The following SLC9A7 variants were observed in gnomAD, a reference collection of about 807,000 sequenced individuals.
The protein encoded by SLC9A7 is sodium/hydrogen exchanger 7.
In SLC9A7, 19 loss-of-function variants were observed where a neutral mutation model predicts 52.6. The ratio of observed to expected loss-of-function variants is 0.36; its 90% CI spans 0.25 to 0.53. The LOEUF is 0.53. Among genes scored for constraint, SLC9A7 ranks in the 20% least tolerant of loss-of-function variants. The pLI, the probability that SLC9A7 is intolerant of heterozygous loss-of-function variation, is 0.91. For synonymous variants in SLC9A7, 226 were observed against 252.1 expected, an observed-to-expected ratio of 0.90 and a Z score of 0.98; for missense variants, 455 against 597.9, an observed-to-expected ratio of 0.76 and a Z score of 2.49.
intron 5 of SLC9A7, 103 bp from the exon 6 acceptor site, chrX:46,662,746 G>A (rs1408680991): frequency 1.1e-5 from 6 of 532,163 alleles, no homozygotes; most frequent in African/African-American, 9.4e-5. Flanking sequence ...GGGACTGGGT[G>A]ATTCAAGAGA....
intron 1 of SLC9A7, among the ~76,000 whole-genome samples, chrX:46,738,155 A>G (rs980043670): frequency 8.9e-6 from 1 of 112,775 alleles, no homozygotes; most frequent in African/African-American, 3.2e-5. Context: ...ACATTCAATC[A>G]AGAATTGTGA....
At chrX:46,635,234 TA>T (rs1437751423) in intron 13 of SLC9A7, among the ~76,000 whole-genome samples, 1 of 111,934 alleles carries the variant, frequency 8.9e-6, no homozygotes, top group African/African-American at 3.2e-5. Context: ...CCTTATTTAC[TA>T]GATCACAAGC....
intron 1 of SLC9A7, among the ~76,000 whole-genome samples, chrX:46,695,435 C>T (rs1944436093): frequency 8.9e-6 from 1 of 112,257 alleles, no homozygotes; most frequent in South Asian, 3.7e-4. Context: ...CTTCAGGACC[C>T]TGGAAGAAAC....
intron 3 of SLC9A7, among the ~76,000 whole-genome samples, chrX:46,675,061 ATGTGTGTGTGTG>A (rs397895552): frequency 0.17 from 11,340 of 68,688 alleles, 753 homozygotes; most frequent in East Asian, 0.39. Context: ...GAGAGAGTGA[ATGTGTGTGTGTG>A]TGTGTGTGTG....
chrX:46,743,045 C>T (rs1482838935), intron 1 of SLC9A7, among the ~76,000 whole-genome samples: 1 of 105,494 alleles, frequency 9.5e-6, no homozygotes. Flanking sequence ...AGTGAGACCC[C>T]ATCTCAAAAA....
Position 46,643,235 on chromosome X carries a change from C to T in SLC9A7, c.1616+1G>A. 1 of 1,204,935 alleles carries T rather than the reference C, an allele frequency of 8.3e-7. No individual in the cohort carries two copies. The highest frequency in any genetic ancestry group is 1.1e-6 in the Non-Finnish European group (1 of 890,475). ...TCAATTAGCCTTGGTTCCAAACCAA[C>T]CTGATGTTAAGCCATGACAACATGG... On this transcript the variant is annotated splice_donor_variant, in intron 12 of 16. Coordinates refer to ENST00000616978, the MANE Select transcript of SLC9A7 (RefSeq NM_001257291.2). LOFTEE classifies it high-confidence loss of function.
chrX:46,636,742 G>T (rs1450730445), intron 12 of SLC9A7, among the ~76,000 whole-genome samples: 1 of 111,548 alleles, frequency 9.0e-6, no homozygotes, highest in African/African-American at 3.3e-5. Flanking sequence ...AAATTTCACT[G>T]GGGGAGGTAA....
At chrX:46,697,798 G>C (rs1156780884) in intron 1 of SLC9A7, among the ~76,000 whole-genome samples, 2 of 112,232 alleles carry the variant, frequency 1.8e-5, no homozygotes, top group Admixed American at 1.9e-4. Flanking sequence ...CGTGAGCCCG[G>C]AGGAACAGAG....
At chrX:46,710,596 C>G (rs1273900874) in intron 1 of SLC9A7, among the ~76,000 whole-genome samples, 1 of 109,064 alleles carries the variant, frequency 9.2e-6, no homozygotes, top group East Asian at 2.9e-4. Flanking sequence ...TCTGTGGAAT[C>G]TAGTTTGAAA....
At chrX:46,710,629 A>G (rs1259815533) in intron 1 of SLC9A7, among the ~76,000 whole-genome samples, 2 of 110,186 alleles carry the variant, frequency 1.8e-5, no homozygotes, top group Admixed American at 9.7e-5. Flanking sequence ...GAAAAAAAAG[A>G]GAGAGAGAGA....
chrX:46,724,424 A>C (rs1944911758), intron 1 of SLC9A7, among the ~76,000 whole-genome samples: 1 of 112,304 alleles, frequency 8.9e-6, no homozygotes, highest in Non-Finnish European at 1.9e-5. Context: ...TATAGGCTAA[A>C]ATGACATTAA....
chrX:46,738,047 GAA>G (rs1945153992), intron 1 of SLC9A7, among the ~76,000 whole-genome samples: 1 of 24,765 alleles, frequency 4.0e-5, no homozygotes, highest in African/African-American at 9.6e-5. Flanking sequence ...AAGAAAGAAA[GAA>G]AGAAAGAAAG....
Position 46,682,330 on chromosome X carries a change from G to C in SLC9A7, c.525+6C>G. The C allele has an allele frequency of 8.3e-7, 1 of 1,208,748 alleles. No individual in the cohort carries two copies. Among genetic ancestry groups the C allele is most frequent in the East Asian group, 3.0e-5 (1 of 33,833 alleles). ...GGACAAGGATGGCTGAGTGTCCCCA[G>C]CTCACCTTCCGTAGCATATCATTCT... is the stretch of plus-strand genomic sequence containing the variant. On this transcript the variant is annotated splice_donor_region_variant and intron_variant, in intron 2 of 16. Transcript: ENST00000616978.
chrX:46,643,738 A>G (rs1943443093), intron 11 of SLC9A7, among the ~76,000 whole-genome samples: 1 of 112,348 alleles, frequency 8.9e-6, no homozygotes, highest in Non-Finnish European at 1.9e-5. Context: ...CCCAAGCACT[A>G]CACAGTCAAT....
chrX:46,675,997 G>T (rs1325423470), intron 3 of SLC9A7, among the ~76,000 whole-genome samples: 3 of 112,297 alleles, frequency 2.7e-5, no homozygotes, highest in Admixed American at 9.4e-5. Context: ...GGGCATGGAA[G>T]TTCCGTGCCC....
At chrX:46,662,781 T>A (rs1174704980) in intron 5 of SLC9A7, 138 bp from the exon 6 acceptor site, 2 of 448,692 alleles carry the variant, frequency 4.5e-6, no homozygotes, top group Non-Finnish European at 7.7e-6. Context: ...AAGATAGACT[T>A]ATCTATCTGT....
chrX:46,718,754 G>C (rs796645999), intron 1 of SLC9A7, among the ~76,000 whole-genome samples: 8 of 111,939 alleles, frequency 7.1e-5, no homozygotes, highest in South Asian at 3.7e-4. Flanking sequence ...GAGATACCAT[G>C]TCACACCAGT....
chrX:46,612,282 A>C (rs1004153648), intron 16 of SLC9A7, among the ~76,000 whole-genome samples: 3 of 111,842 alleles, frequency 2.7e-5, no homozygotes, highest in African/African-American at 9.8e-5. Context: ...CAAGATGATT[A>C]GGATGGCCGA....
chrX:46,727,328 G>A (rs1569524103), intron 1 of SLC9A7, among the ~76,000 whole-genome samples: 1 of 112,084 alleles, frequency 8.9e-6, no homozygotes, highest in Non-Finnish European at 1.9e-5. Flanking sequence ...CCTATCACCT[G>A]GTACCCCAAT....
Sources: allele counts gnomAD v4.1 joint callset (sites outside exome capture counted in the v4.1 genomes callset), GRCh38; gene constraint gnomAD v4.1.1; transcripts MANE v1.5; gene names NCBI Gene and HGNC (gene_info 2026-07-23, HGNC 2026-07-21).